The following FGF14 variants were observed in gnomAD, a reference collection of about 807,000 sequenced individuals.
FGF14 encodes the protein fibroblast growth factor homologous factor 4.
FGF14 carries 5 observed loss-of-function variants against 25.5 expected under a neutral mutation model. That is an observed-to-expected ratio of 0.20 (90% CI 0.10 to 0.41). FGF14 has a LOEUF of 0.41. FGF14 is among the 10% of genes least tolerant of loss of function. The pLI, the probability that FGF14 is intolerant of heterozygous loss-of-function variation, is 1.00. For missense variants in FGF14, 222 were observed against 320.1 expected (o/e 0.69, Z 2.34); for synonymous variants, 138 against 118.3 (o/e 1.17, Z -1.08).
chr13:102,153,123 G>C (rs529102782), intron 1 of FGF14, among the ~76,000 whole-genome samples: 1 of 152,266 alleles, frequency 6.6e-6, no homozygotes, highest in Non-Finnish European at 1.5e-5. Context: ...ATCTCAAATA[G>C]GACAGAGCTT....
intron 1 of FGF14, among the ~76,000 whole-genome samples, chr13:101,992,248 GT>G (rs1461538494): frequency 5.3e-5 from 8 of 152,082 alleles, no homozygotes; most frequent in Admixed American, 5.2e-4. Context: ...CAATTGGGGG[GT>G]GGGGGACAAA....
chr13:102,063,055 A>C (rs1004877840), intron 1 of FGF14, among the ~76,000 whole-genome samples: 2 of 152,170 alleles, frequency 1.3e-5, no homozygotes, highest in African/African-American at 4.8e-5. Context: ...ATCTATAATA[A>C]AATAATGAGG....
intron 1 of FGF14, among the ~76,000 whole-genome samples, chr13:102,096,587 G>A (rs2044412502): frequency 6.6e-6 from 1 of 152,106 alleles, no homozygotes. Context: ...ACCAAGAAAG[G>A]CGATTATATT....
chr13:101,864,057 G>A (rs2097965557), intron 3 of FGF14, among the ~76,000 whole-genome samples: 1 of 152,132 alleles, frequency 6.6e-6, no homozygotes, highest in Admixed American at 6.6e-5. Flanking sequence ...ATAAGACTTT[G>A]ATGATCTTGA....
chr13:101,727,838 T>A (rs1357451385), intron 3 of FGF14, among the ~76,000 whole-genome samples: 1 of 152,118 alleles, frequency 6.6e-6, no homozygotes, highest in African/African-American at 2.4e-5. Flanking sequence ...TATATGTATA[T>A]AAAATATAGA....
At chr13:102,256,365 G>A (rs1361136079) in intron 1 of FGF14, among the ~76,000 whole-genome samples, 1 of 152,054 alleles carries the variant, frequency 6.6e-6, no homozygotes, top group African/African-American at 2.4e-5. Flanking sequence ...CAAGCATGGT[G>A]GGACACATTG....
At chr13:101,935,507 C>T (rs577328922) in intron 1 of FGF14, among the ~76,000 whole-genome samples, 24 of 152,290 alleles carry the variant, frequency 1.6e-4, no homozygotes, top group African/African-American at 5.3e-4. Flanking sequence ...CCATGCTGTT[C>T]TCATGATAGT....
At chr13:102,094,541 T>C (rs113326018) in intron 1 of FGF14, among the ~76,000 whole-genome samples, 2,049 of 152,194 alleles carry the variant, frequency 0.013, 77 homozygotes, top group Admixed American at 0.067. Context: ...TTCTTAGTAA[T>C]GAAGATAAGC....
At chr13:102,071,024 C>T (rs1015427151) in intron 1 of FGF14, among the ~76,000 whole-genome samples, 4 of 152,144 alleles carry the variant, frequency 2.6e-5, no homozygotes, top group Non-Finnish European at 4.4e-5. Context: ...TCTGAGGGAA[C>T]AGGCTGCCAT....
rs183201430 is a variant in FGF14, at chr13:102,286,852, T to C, written c.208+114619A>G. Among the ~76,000 whole-genome samples the C allele has an allele frequency of 7.2e-5, 11 of 152,272 alleles. No individual in the cohort carries two copies. In the East Asian group the frequency reaches 2.1e-3, roughly 29 times the overall value. ...TATGGACTAATCCCTGGGATTCATT[T>C]CTAAAGAAGGCAAACATTTTCCTTA... On this transcript the variant is annotated intron_variant, in intron 1 of 4. Transcript: ENST00000376131.
chr13:102,305,638 A>C (rs1421651600), intron 1 of FGF14, among the ~76,000 whole-genome samples: 1 of 152,182 alleles, frequency 6.6e-6, no homozygotes, highest in Non-Finnish European at 1.5e-5. Context: ...ATTTGAACAT[A>C]AATCATTCCA....
At chr13:102,001,012 G>C (rs1288286029) in intron 1 of FGF14, among the ~76,000 whole-genome samples, 1 of 152,120 alleles carries the variant, frequency 6.6e-6, no homozygotes, top group Non-Finnish European at 1.5e-5. Context: ...TTTAGGGAGA[G>C]GGTCATGATT....
chr13:101,891,619 AATCT>A (rs2029861450), intron 1 of FGF14, among the ~76,000 whole-genome samples: 1 of 152,174 alleles, frequency 6.6e-6, no homozygotes, highest in African/African-American at 2.4e-5. Flanking sequence ...AAACCATGCA[AATCT>A]ATTATTAATG....
In FGF14 at chr13:102,347,275, C is replaced by G. The variant is rs139918637; in HGVS notation, c.208+54196G>C. 3.7e-3 allele frequency among the ~76,000 whole-genome samples: 559 copies of G among 152,280 alleles called. 3 individuals are homozygous for G. Among genetic ancestry groups the G allele is most frequent in the African/African-American group, 0.013 (524 of 41,550 alleles). On this transcript the variant is annotated intron_variant, in intron 1 of 4. Transcript: ENST00000376131. ...TTTACAATGACTCAAGAGACAATCA[C>G]TGCCCTCAGAGAACTCATGGGTGAG...
intron 3 of FGF14, among the ~76,000 whole-genome samples, chr13:101,792,547 T>C (rs548484550): frequency 6.6e-6 from 1 of 152,198 alleles, no homozygotes; most frequent in African/African-American, 2.4e-5. Context: ...AAAAAAATCA[T>C]AGAAAAGGGT....
chr13:102,256,299 C>T (rs1015532619), intron 1 of FGF14, among the ~76,000 whole-genome samples: 1 of 151,840 alleles, frequency 6.6e-6, no homozygotes, highest in African/African-American at 2.4e-5. Context: ...TCAAGACCAA[C>T]CTGGGCAACA....
chr13:102,385,447 G>C (rs1045676560), intron 1 of FGF14, among the ~76,000 whole-genome samples: 1 of 152,114 alleles, frequency 6.6e-6, no homozygotes, highest in African/African-American at 2.4e-5. Context: ...TAGTAAACCT[G>C]ATACAGGAAA....
chr13:102,330,916 C>T (rs1267212363), intron 1 of FGF14, among the ~76,000 whole-genome samples: 2 of 152,158 alleles, frequency 1.3e-5, no homozygotes, highest in South Asian at 2.1e-4. Flanking sequence ...TCTAAAATAG[C>T]AATATGCCAA....
At chr13:102,348,058 G>A (rs1327035547) in intron 1 of FGF14, among the ~76,000 whole-genome samples, 2 of 150,972 alleles carry the variant, frequency 1.3e-5, no homozygotes, top group Non-Finnish European at 2.9e-5. Context: ...ATGTGTGAGT[G>A]GGCAAGAAAT....
Sources: gnomAD v4.1 joint callset for allele counts (sites outside exome capture counted in the v4.1 genomes callset) on GRCh38, gnomAD v4.1.1 for gene constraint, MANE v1.5 for transcripts, NCBI Gene and HGNC (gene_info 2026-07-23, HGNC 2026-07-21) for gene names.